The following KIAA0319L variants were observed in gnomAD, a reference collection of about 807,000 sequenced individuals.
The protein encoded by KIAA0319L is KIAA0319 like, also known as dyslexia-associated protein KIAA0319-like protein.
A neutral mutation model predicts 120.1 loss-of-function variants in KIAA0319L; 55 were observed. The ratio of observed to expected loss-of-function variants is 0.46; its 90% CI spans 0.37 to 0.57. The LOEUF (loss-of-function observed/expected upper bound fraction) is 0.57, where lower values mean the gene tolerates loss of function less well. Ranked by LOEUF, KIAA0319L falls within the 20% of genes least tolerant of loss-of-function variation. The pLI is 0.00. For missense variants in KIAA0319L, 1,049 were observed against 1,255.3 expected (o/e 0.84, Z 2.48); for synonymous variants, 398 against 471.9 (o/e 0.84, Z 2.03).
intron 6 of KIAA0319L, among the ~76,000 whole-genome samples, chr1:35,467,117 A>C (rs113859277): frequency 0.036 from 5,433 of 151,928 alleles, 143 homozygotes; most frequent in Non-Finnish European, 0.05. Flanking sequence ...AAAAAAAAAA[A>C]CCCTTTTAAT....
chr1:35,531,025 G>A (rs1646346164), intron 2 of KIAA0319L, among the ~76,000 whole-genome samples: 1 of 152,244 alleles, frequency 6.6e-6, no homozygotes, highest in Non-Finnish European at 1.5e-5. Flanking sequence ...CAAGAGGGAG[G>A]CAGGGCTGCT....
At chr1:35,500,462 T>C (rs1644964514) in intron 3 of KIAA0319L, among the ~76,000 whole-genome samples, 1 of 152,206 alleles carries the variant, frequency 6.6e-6, no homozygotes, top group South Asian at 2.1e-4. Flanking sequence ...ATTGATGACA[T>C]TCCTTTCTAC....
At chr1:35,490,208 C>A (rs1342765775) in intron 3 of KIAA0319L, among the ~76,000 whole-genome samples, 1 of 152,110 alleles carries the variant, frequency 6.6e-6, no homozygotes, top group Non-Finnish European at 1.5e-5. Context: ...GTACCTATTC[C>A]ACAAAGCTAG....
At chr1:35,468,240 C>T (rs1346475621) in intron 6 of KIAA0319L, among the ~76,000 whole-genome samples, 1 of 151,188 alleles carries the variant, frequency 6.6e-6, no homozygotes, top group Non-Finnish European at 1.5e-5. Context: ...CTCTTTATAA[C>T]ACTCTTCTTC....
At position 35,496,182 on chromosome 1, in the gene KIAA0319L, G is replaced by T. The variant is rs547812671; in HGVS notation, c.666+10430C>A. On this transcript the variant is annotated intron_variant, in intron 3 of 20. Coordinates refer to ENST00000325722, the MANE Select transcript of KIAA0319L (RefSeq NM_024874.5). ...CGCCTGTAATCCCAACACTTTGGGA[G>T]GTCGAAATGGGTATATCACTTGAGG... 2.2e-4 allele frequency among the ~76,000 whole-genome samples: 34 copies of T among 152,344 alleles called. 1 individual carries two copies. Among genetic ancestry groups the T allele is most frequent in the Admixed American group, 1.1e-3 (17 of 15,308 alleles).
intron 2 of KIAA0319L, among the ~76,000 whole-genome samples, chr1:35,526,392 T>TATATATATATATATACACAC (rs1435078498): frequency 1.0e-5 from 1 of 100,148 alleles, no homozygotes; most frequent in East Asian, 7.0e-4. Context: ...TACATACATA[T>TATATATATATATATACACAC]ATATATATAT....
chr1:35,527,859 A>G (rs1280196982), intron 2 of KIAA0319L, among the ~76,000 whole-genome samples: 1 of 146,058 alleles, frequency 6.8e-6, no homozygotes. Flanking sequence ...TTTATTTCTT[A>G]GTCTCTATTT....
intron 2 of KIAA0319L, among the ~76,000 whole-genome samples, chr1:35,523,631 T>C (rs899446243): frequency 1.3e-5 from 2 of 152,104 alleles, no homozygotes; most frequent in African/African-American, 2.4e-5. Context: ...GAACGTGGTA[T>C]AAATCTCAAA....
chr1:35,486,366 CCT>C (rs1644384473), intron 3 of KIAA0319L, among the ~76,000 whole-genome samples: 1 of 136,714 alleles, frequency 7.3e-6, no homozygotes, highest in African/African-American at 2.9e-5. Flanking sequence ...AGAGTAAGAC[CCT>C]GTCTCAAGAA....
chr1:35,465,902 A>G (rs1029768509), intron 7 of KIAA0319L, among the ~76,000 whole-genome samples: 1 of 152,182 alleles, frequency 6.6e-6, no homozygotes, highest in Non-Finnish European at 1.5e-5. Context: ...TGTCATCTAC[A>G]TAAGACGTGA....
intron 3 of KIAA0319L, among the ~76,000 whole-genome samples, chr1:35,493,747 A>G (rs1425965311): frequency 6.6e-6 from 1 of 152,064 alleles, no homozygotes; most frequent in African/African-American, 2.4e-5. Flanking sequence ...TGGGGGGCTG[A>G]GGCAGGAGGA....
intron 2 of KIAA0319L, among the ~76,000 whole-genome samples, chr1:35,534,858 CA>C (rs779838672): frequency 0.18 from 7,624 of 42,126 alleles, 317 homozygotes; most frequent in East Asian, 0.45. Flanking sequence ...GACTCCGTCT[CA>C]AAAAAAAAAA....
At chr1:35,519,436 C>T (rs1352516980) in intron 2 of KIAA0319L, among the ~76,000 whole-genome samples, 1 of 152,228 alleles carries the variant, frequency 6.6e-6, no homozygotes, top group Non-Finnish European at 1.5e-5. Flanking sequence ...TGTGGATCCA[C>T]ATTTCCAGCT....
At position 35,454,636 on chromosome 1, in the gene KIAA0319L, T is replaced by C. The variant is rs1570655230; in HGVS notation, c.1657-151A>G. ...TACCAGTTCAGCATGTGAGTGAATATGGAGTCAGATATCATGAGGCACCTT... is the reference window on the plus strand; with the variant it reads ...TACCAGTTCAGCATGTGAGTGAATACGGAGTCAGATATCATGAGGCACCTT... On this transcript the variant is annotated intron_variant, in intron 10 of 20. Transcript: ENST00000325722. The C allele has an allele frequency of 2.8e-6, 4 of 1,421,576 alleles. No homozygotes were observed. In the East Asian group the frequency reaches 7.6e-5, roughly 27 times the overall value. The allele number at this position is 1,421,576 out of a possible 1,614,324, so 88.1% of individuals were successfully genotyped here.
chr1:35,506,910 G>A lies in KIAA0319L; in HGVS notation c.368C>T (p.Ser123Phe), dbSNP rs2148402691. ...PQSCRAFRTH[S>F]SNSMLVFLKK... is the part of the protein sequence containing the mutation. ...TAAAAACACCAGCATGGAATTGGAG[G>A]AGTGTGTCCTAAAAGCCCGGCAGCT... Residue 123 changes from serine to phenylalanine, a missense_variant, in exon 3 of 21, where the codon TCC becomes TTC. Physicochemically the swap from Ser to Phe is radical, Grantham distance 155. Transcript: ENST00000325722. This position sits in a 1 kb window ranked among gnomAD's most constrained non-coding sequence, Gnocchi z 4.0. 1 of 1,614,162 alleles carries A rather than the reference G, an allele frequency of 6.2e-7. No homozygotes were observed. The highest frequency in any genetic ancestry group is 8.5e-7 in the Non-Finnish European group (1 of 1,180,028).
At chr1:35,554,748 T>A in intron 1 of KIAA0319L, 2 of 314,164 alleles carry the variant, frequency 6.4e-6, no homozygotes, top group East Asian at 5.1e-5. Flanking sequence ...AAACTGAAAC[T>A]TTATATTCCT....
chr1:35,475,653 G>C (rs1643878844), intron 4 of KIAA0319L, among the ~76,000 whole-genome samples: 1 of 151,830 alleles, frequency 6.6e-6, no homozygotes, highest in Non-Finnish European at 1.5e-5. Flanking sequence ...CTTATCCCAA[G>C]AATCTTATTT....
At chr1:35,554,653 C>A in intron 1 of KIAA0319L, 134 bp from the exon 2 acceptor site, 1 of 523,974 alleles carries the variant, frequency 1.9e-6, no homozygotes. Context: ...CTCAACCCTG[C>A]CTATAAATTT....
intron 2 of KIAA0319L, among the ~76,000 whole-genome samples, chr1:35,518,525 A>C (rs1022195119): frequency 7.2e-5 from 11 of 152,168 alleles, no homozygotes; most frequent in Non-Finnish European, 1.6e-4. Context: ...AACACAAAGA[A>C]GGGAACAACA....
Sources: gnomAD v4.1 joint callset for allele counts (sites outside exome capture counted in the v4.1 genomes callset) on GRCh38, gnomAD v4.1.1 for gene constraint, Gnocchi (gnomAD v3.1) non-coding constraint, MANE v1.5 for transcripts, NCBI Gene and HGNC (gene_info 2026-07-23, HGNC 2026-07-21) for gene names.